Variants in CDKL4 observed in about 807,000 individuals in gnomAD.
CDKL4 encodes the protein cyclin-dependent kinase-like 4.
In CDKL4, 44 loss-of-function variants were observed where a neutral mutation model predicts 42.0. That is an observed-to-expected ratio of 1.05 (90% CI 0.82 to 1.35). The LOEUF is 1.35. CDKL4 is among the 40% of genes most tolerant of loss of function. The pLI is 0.00. For synonymous variants in CDKL4, 120 were observed against 121.6 expected (o/e 0.99, Z 0.09); for missense variants, 393 against 369.9 (o/e 1.06, Z -0.51).
chr2:39,243,027 A>G (rs1396459044), intron 1 of CDKL4, among the ~76,000 whole-genome samples: 1 of 142,424 alleles, frequency 7.0e-6, no homozygotes, highest in Non-Finnish European at 1.5e-5. Context: ...TGAACCTGGG[A>G]GGTCAAGGTT....
intron 2 of CDKL4, among the ~76,000 whole-genome samples, chr2:39,227,373 C>G (rs548319517): frequency 6.6e-6 from 1 of 152,150 alleles, no homozygotes; most frequent in Non-Finnish European, 1.5e-5. Context: ...ATGCCTCTAC[C>G]TCAGTATCTA....
chr2:39,243,805 C>T (rs1679784708), intron 1 of CDKL4, among the ~76,000 whole-genome samples, 66 bp downstream of exon 1: 1 of 152,370 alleles, frequency 6.6e-6, no homozygotes, highest in South Asian at 2.1e-4. Context: ...CTAGACCTCG[C>T]GGCTCACCCC....
intron 2 of CDKL4, among the ~76,000 whole-genome samples, chr2:39,226,353 C>A (rs1367425903): frequency 2.0e-5 from 3 of 149,040 alleles, no homozygotes; most frequent in African/African-American, 7.4e-5. Flanking sequence ...TGTTCCTAAC[C>A]ATCAAATCGG....
intron 5 of CDKL4, among the ~76,000 whole-genome samples, chr2:39,196,012 TAC>T (rs1269476140): frequency 2.0e-5 from 3 of 152,172 alleles, no homozygotes; most frequent in Non-Finnish European, 2.9e-5. Flanking sequence ...GAAGGTGGAT[TAC>T]CACTGCAGGC....
chr2:39,176,585 C>A (rs1240624417), intron 9 of CDKL4, among the ~76,000 whole-genome samples: 1 of 152,142 alleles, frequency 6.6e-6, no homozygotes, highest in Non-Finnish European at 1.5e-5. Context: ...AGGTGTGAGC[C>A]ACCATGCCCA....
At chr2:39,189,468 GATGATGCGT>G (rs1676043679) in intron 6 of CDKL4, among the ~76,000 whole-genome samples, 1 of 152,156 alleles carries the variant, frequency 6.6e-6, no homozygotes, top group African/African-American at 2.4e-5. Flanking sequence ...GACTGAAAAA[GATGATGCGT>G]ATGAAAGTAA....
chr2:39,221,757 T>G (rs1395307355), intron 3 of CDKL4, among the ~76,000 whole-genome samples: 2 of 152,214 alleles, frequency 1.3e-5, no homozygotes, highest in African/African-American at 4.8e-5. Context: ...GAACATGCCT[T>G]GCTCTTTCTT....
intron 9 of CDKL4, among the ~76,000 whole-genome samples, chr2:39,177,109 T>C (rs2148275137): frequency 6.6e-6 from 1 of 152,318 alleles, no homozygotes; most frequent in Admixed American, 6.5e-5. Context: ...AGGTGCATGC[T>C]GCCCTTTGTG....
At chr2:39,189,715 T>A (rs10865146) in intron 6 of CDKL4, among the ~76,000 whole-genome samples, 111,508 of 152,178 alleles carry the variant, frequency 0.73, 45,444 homozygotes, top group Non-Finnish European at 0.91. Context: ...TTGTTGCACG[T>A]GAAAACTACA....
intron 2 of CDKL4, among the ~76,000 whole-genome samples, chr2:39,226,503 G>A (rs936117919): frequency 1.8e-5 from 1 of 56,822 alleles, no homozygotes; most frequent in African/African-American, 4.1e-5. Flanking sequence ...TTTCAGCATT[G>A]TTCTTTGATT....
At chr2:39,181,518 T>C (rs1675436652) in intron 8 of CDKL4, among the ~76,000 whole-genome samples, 1 of 152,186 alleles carries the variant, frequency 6.6e-6, no homozygotes. Context: ...GTCACTGTTA[T>C]GGGTTGAGTT....
chr2:39,240,959 G>A (rs1351071135), intron 1 of CDKL4, among the ~76,000 whole-genome samples: 1 of 152,162 alleles, frequency 6.6e-6, no homozygotes, highest in Non-Finnish European at 1.5e-5. Flanking sequence ...CGTCATGAAA[G>A]AAAAGATCAA....
upstream of CDKL4, among the ~76,000 whole-genome samples, chr2:39,245,005 C>G (rs1211565707): frequency 1.3e-5 from 2 of 152,284 alleles, no homozygotes; most frequent in East Asian, 3.9e-4. Flanking sequence ...TGTAAACACA[C>G]CAGTCAGCAC....
chr2:39,224,155 T>C (rs1204097585), intron 3 of CDKL4, among the ~76,000 whole-genome samples: 1 of 152,210 alleles, frequency 6.6e-6, no homozygotes, highest in Non-Finnish European at 1.5e-5. Flanking sequence ...CTCATTTCTA[T>C]TTTAGTTTTG....
chr2:39,175,814 A>G (rs1349081009), exon 10 of CDKL4: 2 of 263,308 alleles, frequency 7.6e-6, no homozygotes, highest in Non-Finnish European at 1.4e-5. Flanking sequence ...AAAATATTCT[A>G]AAAGATAAAG....
downstream of CDKL4, among the ~76,000 whole-genome samples, chr2:39,173,463 GCC>G (rs1438551574): frequency 6.6e-6 from 1 of 152,068 alleles, no homozygotes; most frequent in African/African-American, 2.4e-5. Flanking sequence ...GATTGCTTGA[GCC>G]CAGGAGTTTG....
At chr2:39,210,261 G>T (rs539808563) in intron 4 of CDKL4, among the ~76,000 whole-genome samples, 1 of 152,162 alleles carries the variant, frequency 6.6e-6, no homozygotes, top group Non-Finnish European at 1.5e-5. Flanking sequence ...AAAGTCCTGG[G>T]ATTACAGGCT....
chr2:39,224,580 T>C (rs925386593), intron 3 of CDKL4, among the ~76,000 whole-genome samples: 4 of 148,878 alleles, frequency 2.7e-5, no homozygotes, highest in African/African-American at 1.0e-4. Context: ...CTCGGCTCAC[T>C]GCATCCTCCG....
At chr2:39,205,629 A>G (rs1162466664) in intron 4 of CDKL4, among the ~76,000 whole-genome samples, 2 of 151,836 alleles carry the variant, frequency 1.3e-5, no homozygotes, top group Non-Finnish European at 1.5e-5. Context: ...GCGTGGTGGC[A>G]GGCGCCTGTA....
Sources: allele counts gnomAD v4.1 joint callset (sites outside exome capture counted in the v4.1 genomes callset), GRCh38; gene constraint gnomAD v4.1.1; transcripts MANE v1.5; gene names NCBI Gene and HGNC (gene_info 2026-07-23, HGNC 2026-07-21).